The following CDH20 variants were observed in gnomAD, a reference collection of about 807,000 sequenced individuals.
The protein encoded by CDH20 is cadherin 20.
CDH20 carries 29 observed loss-of-function variants against 74.2 expected under a neutral mutation model. That is an observed-to-expected ratio of 0.39 (90% confidence interval 0.29 to 0.53). CDH20 has a LOEUF of 0.53. Ranked by LOEUF, CDH20 falls within the 20% of genes least tolerant of loss-of-function variation. The probability of loss-of-function intolerance (pLI) is 0.69; values close to 1 mark genes in which losing one functional copy is unlikely to be tolerated. For synonymous variants in CDH20, 469 were observed against 405.4 expected, an observed-to-expected ratio of 1.16 and a Z score of -1.88; for missense variants, 988 against 1,048.3, an observed-to-expected ratio of 0.94 and a Z score of 0.79.
At chr18:61,551,256 A>C (rs2144413489) in intron 11 of CDH20, among the ~76,000 whole-genome samples, 1 of 152,342 alleles carries the variant, frequency 6.6e-6, no homozygotes, top group Non-Finnish European at 1.5e-5. Flanking sequence ...TTATTGAACT[A>C]ATCTATAGCA....
At chr18:61,390,036 C>G (rs1340778988) in intron 1 of CDH20, among the ~76,000 whole-genome samples, 1 of 152,144 alleles carries the variant, frequency 6.6e-6, no homozygotes, top group Non-Finnish European at 1.5e-5. Context: ...CCTTTCCAAG[C>G]AAGTATTTTT....
intron 7 of CDH20, among the ~76,000 whole-genome samples, chr18:61,531,624 T>C (rs1241450328): frequency 6.6e-6 from 1 of 152,242 alleles, no homozygotes; most frequent in African/African-American, 2.4e-5. Context: ...AAGGCAACTA[T>C]TCGCTGTCAC....
chr18:61,358,124 T>C (rs1910557033), intron 1 of CDH20, among the ~76,000 whole-genome samples: 1 of 151,484 alleles, frequency 6.6e-6, no homozygotes. Context: ...TCCTTTTTTT[T>C]TTTTTTTCGA....
intron 9 of CDH20, among the ~76,000 whole-genome samples, chr18:61,540,823 G>A (rs563977943): frequency 9.2e-5 from 14 of 152,250 alleles, no homozygotes; most frequent in South Asian, 8.3e-4. Context: ...AGATGGACTC[G>A]ACGACACATC....
intron 9 of CDH20, among the ~76,000 whole-genome samples, chr18:61,539,372 G>A (rs1025695343): frequency 6.6e-6 from 1 of 152,184 alleles, no homozygotes; most frequent in African/African-American, 2.4e-5. Context: ...TTTGGAGGCT[G>A]AGGCAGGAAG....
chr18:61,512,743 C>T (rs577528269), intron 6 of CDH20, among the ~76,000 whole-genome samples: 3 of 152,046 alleles, frequency 2.0e-5, no homozygotes, highest in Non-Finnish European at 2.9e-5. Context: ...TTTATTTCTG[C>T]CTTCATTTCG....
chr18:61,480,777 A>T lies in CDH20; in HGVS notation c.-152-9625A>T, dbSNP rs144089904. 1.2e-3 allele frequency among the ~76,000 whole-genome samples: 189 copies of T among 152,340 alleles called. 4 individuals are homozygous for T. In the East Asian group the frequency reaches 0.029, roughly 23 times the overall value. On this transcript the variant is annotated intron_variant, in intron 1 of 11. Transcript: ENST00000262717. Reference sequence around the variant, plus strand: ...CATAAGATTTCCAAGTATTTCTGCAAATGATGCTTTAACTTTACATTACAA... The same window carrying T: ...CATAAGATTTCCAAGTATTTCTGCATATGATGCTTTAACTTTACATTACAA...
At chr18:61,440,362 T>C (rs1301861641) in intron 1 of CDH20, among the ~76,000 whole-genome samples, 1 of 152,166 alleles carries the variant, frequency 6.6e-6, no homozygotes, top group Non-Finnish European at 1.5e-5. Context: ...GTATCACAGC[T>C]AACCTCAACG....
intron 6 of CDH20, among the ~76,000 whole-genome samples, chr18:61,513,675 G>A (rs1473771410): frequency 6.6e-5 from 10 of 152,190 alleles, no homozygotes; most frequent in Non-Finnish European, 1.5e-4. Context: ...TCCTTCAGGA[G>A]CTCTTTTAGG....
chr18:61,433,216 C>A (rs1403043008), intron 1 of CDH20, among the ~76,000 whole-genome samples: 1 of 152,106 alleles, frequency 6.6e-6, no homozygotes, highest in Non-Finnish European at 1.5e-5. Flanking sequence ...TATCACCAAT[C>A]ACCATGCCAA....
chr18:61,383,571 GCT>G (rs1202916901), intron 1 of CDH20, among the ~76,000 whole-genome samples: 1 of 151,752 alleles, frequency 6.6e-6, no homozygotes. Flanking sequence ...ACAGAGCTAG[GCT>G]CTGTCTAAAA....
chr18:61,500,247 T>A (rs1417315891), intron 3 of CDH20, 136 bp from the exon 4 acceptor site: 1 of 797,694 alleles, frequency 1.3e-6, no homozygotes, highest in Non-Finnish European at 1.9e-6. Context: ...ATAAGAGTTA[T>A]GGAAGCTTGA....
At chr18:61,539,433 C>T (rs1912947039) in intron 9 of CDH20, among the ~76,000 whole-genome samples, 1 of 152,106 alleles carries the variant, frequency 6.6e-6, no homozygotes, top group African/African-American at 2.4e-5. Context: ...TCGTGAGACC[C>T]AATCTCTAAA....
At chr18:61,413,485 A>C (rs1311927668) in intron 1 of CDH20, among the ~76,000 whole-genome samples, 3 of 152,118 alleles carry the variant, frequency 2.0e-5, no homozygotes, top group East Asian at 3.9e-4. Context: ...TAAAGTTATA[A>C]ACTTGTGTGG....
intron 1 of CDH20, among the ~76,000 whole-genome samples, chr18:61,392,199 C>A: frequency 6.7e-6 from 1 of 150,226 alleles, no homozygotes; most frequent in Non-Finnish European, 1.5e-5. Flanking sequence ...CCTACTCCAG[C>A]CTTGCTCCTT....
At chr18:61,349,509 T>C (rs147443855) in intron 1 of CDH20, among the ~76,000 whole-genome samples, 2,206 of 152,324 alleles carry the variant, frequency 0.014, 24 homozygotes, top group Non-Finnish European at 0.02. Flanking sequence ...ATTCTGTTTT[T>C]GCCATGCAAA....
intron 6 of CDH20, among the ~76,000 whole-genome samples, chr18:61,524,063 T>A (rs1377236487): frequency 2.0e-5 from 3 of 151,798 alleles, no homozygotes; most frequent in African/African-American, 7.3e-5. Context: ...AGTATAATAA[T>A]AATAATAATA....
chr18:61,459,646 A>G (rs1405854083), intron 1 of CDH20, among the ~76,000 whole-genome samples: 1 of 152,104 alleles, frequency 6.6e-6, no homozygotes, highest in African/African-American at 2.4e-5. Context: ...CAGAAATGCA[A>G]AAGCTCAGGC....
intron 10 of CDH20, among the ~76,000 whole-genome samples, chr18:61,547,307 G>C (rs1913284022): frequency 6.6e-6 from 1 of 152,102 alleles, no homozygotes; most frequent in Non-Finnish European, 1.5e-5. Flanking sequence ...CAGACTGGGT[G>C]ACAGAGTAAG....
Sources: allele counts gnomAD v4.1 joint callset (sites outside exome capture counted in the v4.1 genomes callset), GRCh38; gene constraint gnomAD v4.1.1; transcripts MANE v1.5; gene names NCBI Gene and HGNC (gene_info 2026-07-23, HGNC 2026-07-21).